SEL1L2: variants seen among roughly 807,000 people sequenced by gnomAD.
The protein encoded by SEL1L2 is SEL1L2 adaptor subunit of SYVN1 ubiquitin ligase, also known as protein sel-1 homolog 2.
SEL1L2 carries 89 observed loss-of-function variants against 98.8 expected under a neutral mutation model. That is an observed-to-expected ratio of 0.90 (90% CI 0.76 to 1.07). SEL1L2 has a LOEUF of 1.07. Ranked by LOEUF, SEL1L2 falls within the 50% of genes least tolerant of loss-of-function variation. SEL1L2 has a pLI of 0.00. For missense variants in SEL1L2, 788 were observed against 812.0 expected (o/e 0.97, Z 0.36); for synonymous variants, 262 against 278.5 (o/e 0.94, Z 0.59).
At chr20:13,921,141 C>G (rs2048648800) in intron 3 of SEL1L2, among the ~76,000 whole-genome samples, 1 of 152,130 alleles carries the variant, frequency 6.6e-6, no homozygotes, top group East Asian at 1.9e-4. Context: ...ATGGCTTTTA[C>G]TTTTATTTGT....
In SEL1L2 at chr20:13,931,671, T is replaced by C. The variant is rs1395474163; in HGVS notation, c.215A>G (p.Lys72Arg). ...NKRENLLEKK[K>R]NQRKIRIKGI... ...TTTTATTCTTATTTTACGTTGATTC[T>C]TCTTTTTCTCCAGGAGATTTTCTCT... Residue 72 changes from lysine to arginine, a missense_variant, in exon 3 of 20, where the codon AAG becomes AGG. By Grantham distance (26) the Lys-to-Arg change is conservative. Coordinates refer to ENST00000284951, the MANE Select transcript of SEL1L2 (RefSeq NM_025229.2). 6 of 1,544,448 alleles carry C rather than the reference T, an allele frequency of 3.9e-6. No homozygotes were observed. The highest frequency in any genetic ancestry group is 5.3e-6 in the Non-Finnish European group (6 of 1,136,762).
chr20:13,915,328 C>A, intron 4 of SEL1L2: 1 of 1,070,390 alleles, frequency 9.3e-7, no homozygotes, highest in Non-Finnish European at 1.2e-6. Flanking sequence ...AGAAATTAAC[C>A]CAGGTCAAAG....
chr20:13,906,500 T>C (rs899950486), intron 5 of SEL1L2, among the ~76,000 whole-genome samples: 8 of 152,148 alleles, frequency 5.3e-5, no homozygotes, highest in Admixed American at 1.3e-4. Context: ...AAGGAACAAC[T>C]CAGGTACTGT....
chr20:13,935,321 CCAAA>C (rs752647849), intron 2 of SEL1L2, among the ~76,000 whole-genome samples: 10 of 152,290 alleles, frequency 6.6e-5, no homozygotes, highest in South Asian at 2.1e-4. Flanking sequence ...AACCAACCAA[CCAAA>C]CAAACAAAGT....
intron 1 of SEL1L2, among the ~76,000 whole-genome samples, chr20:13,974,976 C>A (rs941757568): frequency 2.6e-5 from 4 of 152,104 alleles, no homozygotes; most frequent in African/African-American, 9.7e-5. Context: ...ATCATGGAAG[C>A]TGCAGGGTGT....
intron 3 of SEL1L2, among the ~76,000 whole-genome samples, chr20:13,926,324 A>T (rs890903003): frequency 1.3e-5 from 2 of 152,028 alleles, no homozygotes; most frequent in Non-Finnish European, 2.9e-5. Context: ...CAAACAAAAA[A>T]AAATTAAATA....
chr20:13,969,904 A>G (rs2051206393), intron 1 of SEL1L2, among the ~76,000 whole-genome samples: 1 of 152,098 alleles, frequency 6.6e-6, no homozygotes, highest in Non-Finnish European at 1.5e-5. Flanking sequence ...TCAATGACCC[A>G]TCATCCGTTC....
At chr20:13,856,150 GT>G (rs73615558) in intron 18 of SEL1L2, among the ~76,000 whole-genome samples, 17,662 of 147,880 alleles carry the variant, frequency 0.12, 1,149 homozygotes, top group East Asian at 0.18. Context: ...GTTTTTTGGG[GT>G]TTTTTTTTTT....
intron 1 of SEL1L2, among the ~76,000 whole-genome samples, chr20:13,974,144 C>T (rs889997851): frequency 3.9e-5 from 6 of 152,168 alleles, no homozygotes; most frequent in African/African-American, 1.4e-4. Flanking sequence ...CTTTGATGTT[C>T]AGGTGCAGGG....
chr20:13,852,681 TA>T (rs970916458), intron 18 of SEL1L2, among the ~76,000 whole-genome samples: 57 of 152,336 alleles, frequency 3.7e-4, no homozygotes, highest in African/African-American at 1.1e-3. Context: ...AGACTCTTGT[TA>T]AAAGAACATG....
chr20:13,869,156 A>G (rs75504585), intron 14 of SEL1L2, among the ~76,000 whole-genome samples: 3,014 of 151,736 alleles, frequency 0.02, 49 homozygotes, highest in Non-Finnish European at 0.03. Flanking sequence ...TCCTTTTGCA[A>G]CCTCAACTAC....
intron 1 of SEL1L2, among the ~76,000 whole-genome samples, chr20:13,962,289 C>G (rs918374080): frequency 1.3e-5 from 2 of 152,174 alleles, no homozygotes; most frequent in East Asian, 3.9e-4. Flanking sequence ...TATGTCTGGG[C>G]TGCCGTTTTG....
chr20:13,982,258 C>T (rs143904927), intron 1 of SEL1L2, among the ~76,000 whole-genome samples: 4 of 152,004 alleles, frequency 2.6e-5, no homozygotes, highest in Admixed American at 2.6e-4. Context: ...TGCCTGTAAT[C>T]CCAGCATTTT....
At chr20:13,891,181 G>T (rs978453745) in intron 5 of SEL1L2, among the ~76,000 whole-genome samples, 10 of 152,144 alleles carry the variant, frequency 6.6e-5, no homozygotes, top group Non-Finnish European at 1.3e-4. Flanking sequence ...CAAGTGAGAT[G>T]AACCCGAAGA....
At chr20:13,855,009 C>T (rs1043663923) in intron 18 of SEL1L2, among the ~76,000 whole-genome samples, 12 of 142,966 alleles carry the variant, frequency 8.4e-5, no homozygotes, top group Non-Finnish European at 1.2e-4. Context: ...GAAGATTGCA[C>T]CACTGCACTC....
intron 10 of SEL1L2, among the ~76,000 whole-genome samples, chr20:13,880,796 G>A (rs960880725): frequency 2.0e-5 from 3 of 152,024 alleles, no homozygotes; most frequent in Non-Finnish European, 2.9e-5. Flanking sequence ...AAATACTTGT[G>A]TGTCTTACAA....
At chr20:13,982,841 T>C (rs978094484) in intron 1 of SEL1L2, among the ~76,000 whole-genome samples, 7 of 151,052 alleles carry the variant, frequency 4.6e-5, no homozygotes, top group African/African-American at 1.5e-4. Context: ...CTGGCCAACA[T>C]AGTGAAACCC....
chr20:13,983,128 TA>T (rs200406321), intron 1 of SEL1L2, among the ~76,000 whole-genome samples: 2,878 of 151,508 alleles, frequency 0.019, 37 homozygotes, highest in Non-Finnish European at 0.032. Flanking sequence ...TCCATTTTTC[TA>T]AGCCATATAC....
intron 1 of SEL1L2, among the ~76,000 whole-genome samples, chr20:13,957,948 G>A (rs553194848): frequency 1.6e-4 from 25 of 152,202 alleles, no homozygotes; most frequent in Non-Finnish European, 2.6e-4. Context: ...TTTTAAAGAC[G>A]ATACATATCT....
Sources: gnomAD v4.1 joint callset for allele counts (sites outside exome capture counted in the v4.1 genomes callset) on GRCh38, gnomAD v4.1.1 for gene constraint, MANE v1.5 for transcripts, NCBI Gene and HGNC (gene_info 2026-07-23, HGNC 2026-07-21) for gene names.